Variants in ENTPD2 observed in about 807,000 individuals in gnomAD.
ENTPD2 encodes CD39 antigen-like 1.
A neutral mutation model predicts 46.8 loss-of-function variants in ENTPD2; 48 were observed. The observed-to-expected ratio is 1.03, with a 90% CI of 0.81 to 1.30. The LOEUF is 1.30. ENTPD2 is among the 50% of genes most tolerant of loss of function. ENTPD2 has a pLI of 0.00. For synonymous variants in ENTPD2, 316 were observed against 286.1 expected, an observed-to-expected ratio of 1.10 and a Z score of -1.06; for missense variants, 707 against 651.1, an observed-to-expected ratio of 1.09 and a Z score of -0.93.
At position 137,052,352 on chromosome 9, in the gene ENTPD2, C is replaced by A. The variant is rs2271867; in HGVS notation, c.118-4G>T. ...CAGCGTCCAGGACGATGCCATACTG[C>A]GGGGGAGGGGGAGGGAGTCAGCCTG... On this transcript the variant is annotated splice_polypyrimidine_tract_variant and splice_region_variant and intron_variant, in intron 1 of 8. Coordinates refer to ENST00000355097, the MANE Select transcript of ENTPD2 (RefSeq NM_203468.3). The A allele has an allele frequency of 1.3e-6, 2 of 1,565,156 alleles. No individual in the cohort carries two copies. The highest frequency in any genetic ancestry group is 1.1e-5 in the South Asian group (1 of 90,090).
chr9:137,049,528 T>C (rs1352781787), intron 7 of ENTPD2: 2 of 430,352 alleles, frequency 4.6e-6, no homozygotes, highest in Admixed American at 4.0e-5. Flanking sequence ...TCTCTTGGAG[T>C]CTCCGGTGGG....
At position 137,048,344 on chromosome 9, in the gene ENTPD2, A is replaced by C; in HGVS notation, c.*313T>G. On this transcript the variant is annotated 3_prime_UTR_variant, in exon 9 of 9. Transcript: ENST00000355097. ...GGGCTGGAGGGGTTCAAGGAGCTGG[A>C]TTGAGCGCTCTTTGCCCACCCAGGC... The C allele has an allele frequency of 3.7e-5, 11 of 295,918 alleles. No individual in the cohort carries two copies. The highest frequency in any genetic ancestry group is 9.0e-5 in the East Asian group (1 of 11,160). 18.3% of individuals were successfully genotyped at this position (295,918 alleles called of 1,614,324 possible).
At chr9:137,051,444 C>T (rs931473225) in intron 3 of ENTPD2, 66 bp downstream of exon 3, 213 of 1,542,672 alleles carry the variant, frequency 1.4e-4, no homozygotes, top group Non-Finnish European at 1.6e-4. Flanking sequence ...TGCTCGGAGT[C>T]CGCCCTGCAA....
At position 137,052,242 on chromosome 9, in the gene ENTPD2, C is replaced by T. The variant is rs753396274; in HGVS notation, c.224G>A (p.Cys75Tyr). Residue 75 changes from cysteine to tyrosine, a missense_variant, in exon 2 of 9, where the codon TGT becomes TAT. Cys to Tyr is a radical substitution (Grantham distance 194). Coordinates refer to ENST00000355097, the MANE Select transcript of ENTPD2 (RefSeq NM_203468.3). ...GGGCTGGGCCTCACCTGGAACATCA[C>T]AGGAGCTGTGCTGGCCCACAATGCC... ...DTGIVGQHSSCDVPGGGISSY... is the reference protein window; with the variant it reads ...DTGIVGQHSSYDVPGGGISSY... 4 of 1,612,564 alleles carry T rather than the reference C, an allele frequency of 2.5e-6. No individual in the cohort carries two copies. The highest frequency in any genetic ancestry group is 2.2e-5 in the East Asian group (1 of 44,842).
Position 137,050,487 on chromosome 9 carries a change from G to A in ENTPD2, c.826C>T (p.Leu276Phe), listed in dbSNP as rs1238803165. Residue 276 changes from leucine (L) to phenylalanine (F), a missense_variant, in exon 6 of 9, where the codon CTC becomes TTC. By Grantham distance (22) the Leu-to-Phe change is conservative (BLOSUM62 0). Transcript: ENST00000355097. ...CATGGTGACTGGTACACATCCCCGA[G>A]CAGCACTTGGGTGGAAAAGCCCCTC... ...WPRGFSTQVL[L>F]GDVYQSPCTM... The A allele has an allele frequency of 1.2e-6, 2 of 1,612,832 alleles. No individual in the cohort carries two copies. The highest frequency in any genetic ancestry group is 1.7e-6 in the Non-Finnish European group (2 of 1,179,980).
rs917020422 is a variant in ENTPD2, at chr9:137,050,373, C to G, written c.940G>C (p.Val314Leu). The G allele has an allele frequency of 9.9e-6, 16 of 1,613,100 alleles. No homozygotes were observed. The highest frequency in any genetic ancestry group is 1.4e-5 in the Non-Finnish European group (16 of 1,179,988). ...SSDPHLCRDL[V>L]SGLFSFSSCP... ...GAGGAGAAGCTGAAGAGCCCAGAAA[C>G]CAGATCTCGGCAGAGGTGGGGGTCA... Residue 314 changes from valine (V) to leucine (L), a missense_variant, in exon 6 of 9, where the codon GTT becomes CTT. By Grantham distance (32) the Val-to-Leu change is conservative. Coordinates refer to ENST00000355097, the MANE Select transcript of ENTPD2 (RefSeq NM_203468.3).
chr9:137,050,827 C>G, intron 5 of ENTPD2, 75 bp downstream of exon 5: 2 of 1,526,812 alleles, frequency 1.3e-6, no homozygotes, highest in Non-Finnish European at 1.8e-6. Flanking sequence ...AGAAGCCTTC[C>G]ACAGCACAGT....
rs373230324 is a variant in ENTPD2 at position 137,051,362 on chromosome 9, T to C, written c.395A>G (p.Asn132Ser). ...TAGMRLLNLT[N>S]PEASTSVLMA... ...GAGCACACTGGTCGAGGCCTCTGGA[T>C]TGGTCAGGCTGCAAAACACAGAGAA... Residue 132 changes from asparagine (N) to serine (S), a missense_variant, in exon 4 of 9, where the codon AAT becomes AGT. By Grantham distance (46) the Asn-to-Ser change is conservative (BLOSUM62 1). Transcript: ENST00000355097. 3.2e-5 allele frequency: 50 copies of C among 1,553,392 alleles called. No homozygotes were observed. Among genetic ancestry groups the C allele is most frequent in the Middle Eastern group, 3.5e-4 (2 of 5,786 alleles).
rs1564254173 is a variant in ENTPD2 at position 137,052,279 on chromosome 9, CCTT to C, written c.184_186del (p.Lys62del). 6.2e-7 allele frequency: 1 copy of C among 1,612,782 alleles called. No homozygotes were observed. The highest frequency in any genetic ancestry group is 8.5e-7 in the Non-Finnish European group (1 of 1,179,864). On this transcript the variant is annotated inframe_deletion, in exon 2 of 9. Transcript: ENST00000355097. ...TGGCCCACAATGCCTGTGTCGTTCT[CCTT>C]GTCTGCCGGCCACTTGTAGATAAAC...
chr9:137,051,476 C>A (rs775202435), intron 3 of ENTPD2, 34 bp downstream of exon 3: 3 of 1,560,422 alleles, frequency 1.9e-6, no homozygotes, highest in South Asian at 2.4e-5. Context: ...CAAAGGCCAT[C>A]ATGGGGACAG....
At position 137,051,300 on chromosome 9, in the gene ENTPD2, CA is replaced by C. The variant is rs1832291214; in HGVS notation, c.456del (p.Phe152LeufsTer20). ...GAGAGGATGCGTGCACCCCGGAAGT[CA>C]AAGGGGTACTGGGTCAGTGTGTGAG... ...AVTHTLTQYPFDFRGARILSG... is the reference protein window; with the variant it reads ...AVTHTLTQYPXDFRGARILSG... On this transcript the variant is annotated frameshift_variant, in exon 4 of 9. Transcript: ENST00000355097. LOFTEE classifies it high-confidence loss of function. The C allele has an allele frequency of 6.2e-7, 1 of 1,607,854 alleles. No individual in the cohort carries two copies. Among genetic ancestry groups the C allele is most frequent in the South Asian group, 1.1e-5 (1 of 90,322 alleles).
In ENTPD2 at chr9:137,048,776, T is replaced by G; in HGVS notation, c.1369A>C (p.Lys457Gln). 6.3e-7 allele frequency: 1 copy of G among 1,596,116 alleles called. No homozygotes were observed. Among genetic ancestry groups the G allele is most frequent in the Non-Finnish European group, 8.5e-7 (1 of 1,171,004 alleles). ...LIPADPPGLR[K>Q]GTDFSSWVVL... ...ACCCAGGAGCTGAAGTCTGTGCCCT[T>G]GCGCAGCCCCGGCGGGTCGGCGGGG... The change falls in exon 9 of 9, where the codon AAG becomes CAG. Residue 457 changes from lysine (K) to glutamine (Q), a missense_variant. Transcript: ENST00000355097.
chr9:137,052,682 A>G, intron 1 of ENTPD2: 1 of 177,120 alleles, frequency 5.6e-6, no homozygotes, highest in Middle Eastern at 2.4e-3. Context: ...TCCCTGGGGC[A>G]CAAGTTTCCC....
chr9:137,048,979 C>CGAA lies in ENTPD2; in HGVS notation c.1243_1245dup (p.Phe415dup), dbSNP rs1417967901. 6.5e-7 allele frequency: 1 copy of CGAA among 1,535,994 alleles called. No homozygotes were observed. Among genetic ancestry groups the CGAA allele is most frequent in the East Asian group, 2.5e-5 (1 of 40,576 alleles). ...ATCACGCCGCCGAAGGCGCGCTCGTCGAAGCCGTAGCCGCGACTCAGCAGC... is the reference window on the plus strand; with the variant it reads ...ATCACGCCGCCGAAGGCGCGCTCGTCGAAGAAGCCGTAGCCGCGACTCAGCAGC... On this transcript the variant is annotated inframe_insertion, in exon 8 of 9. Transcript: ENST00000355097.
rs1415003188 is a variant in ENTPD2 at position 137,050,444 on chromosome 9, G to A, written c.869C>T (p.Pro290Leu). Residue 290 changes from proline to leucine, a missense_variant, in exon 6 of 9, where the codon CCC becomes CTC. Physicochemically the swap from Pro to Leu is moderately conservative, Grantham distance 98 (BLOSUM62 -3). Transcript: ENST00000355097. ...CCTGGCACTGCTGTTGAAGTTCTGG[G>A]GCCGCTGGGCCATGGTGCATGGTGA... ...YQSPCTMAQRPQNFNSSARVS... is the reference protein window; with the variant it reads ...YQSPCTMAQRLQNFNSSARVS... 5.0e-6 allele frequency: 8 copies of A among 1,612,928 alleles called. No individual in the cohort carries two copies. The highest frequency in any genetic ancestry group is 6.8e-6 in the Non-Finnish European group (8 of 1,180,014).
At chr9:137,050,668 C>T (rs533388981) in intron 5 of ENTPD2, 130 bp from the exon 6 acceptor site, 4 of 1,407,680 alleles carry the variant, frequency 2.8e-6, no homozygotes, top group Non-Finnish European at 2.8e-6. Flanking sequence ...CTCCCCACTG[C>T]CTGCTTGACA....
At position 137,048,227 on chromosome 9, in the gene ENTPD2, G is replaced by C. The variant is rs1364320963; in HGVS notation, c.*430C>G. On this transcript the variant is annotated 3_prime_UTR_variant, in exon 9 of 9. Coordinates refer to ENST00000355097, the MANE Select transcript of ENTPD2 (RefSeq NM_203468.3). ...TACACAGAAGGAGCCTCTAAGGGCT[G>C]ATTCTCAGGACCAAGGCCCCACTCT... 1.1e-5 allele frequency: 2 copies of C among 176,108 alleles called. No individual in the cohort carries two copies. Among genetic ancestry groups the C allele is most frequent in the East Asian group, 3.5e-4 (2 of 5,694 alleles). 10.9% of individuals were successfully genotyped at this position (176,108 alleles called of 1,614,324 possible). A position where few individuals can be genotyped will look rare whatever the true frequency, so the allele number is the denominator to read the frequency against.
rs1349659433 is a variant in ENTPD2 at position 137,052,401 on chromosome 9, C to G, written c.118-53G>C. On this transcript the variant is annotated intron_variant, in intron 1 of 8. Coordinates refer to ENST00000355097, the MANE Select transcript of ENTPD2 (RefSeq NM_203468.3). Reference sequence around the variant, plus strand: ...TGGGGTGTCCGGGGGCCCTGACACCCTGACACCAAACGTGAAGTTGGGTTC... The same window carrying G: ...TGGGGTGTCCGGGGGCCCTGACACCGTGACACCAAACGTGAAGTTGGGTTC... 4 of 1,384,924 alleles carry G rather than the reference C, an allele frequency of 2.9e-6. No homozygotes were observed. The African/African-American group carries it at 5.7e-5, about 20-fold the overall frequency. The allele number at this position is 1,384,924 out of a possible 1,614,324, so 85.8% of individuals were successfully genotyped here. A position where few individuals can be genotyped will look rare whatever the true frequency, so the allele number is the denominator to read the frequency against.
At position 137,053,912 on chromosome 9, in the gene ENTPD2, G is replaced by GT; in HGVS notation, c.85dup (p.Thr29AsnfsTer48). The GT allele has an allele frequency of 4.1e-6, 5 of 1,225,732 alleles. No homozygotes were observed. The highest frequency in any genetic ancestry group is 5.1e-6 in the Non-Finnish European group (5 of 983,938). The allele number at this position is 1,225,732 out of a possible 1,614,324, so 75.9% of individuals were successfully genotyped here. On this transcript the variant is annotated frameshift_variant, in exon 1 of 9. Transcript: ENST00000355097. LOFTEE classifies it high-confidence loss of function. Reference sequence around the variant, plus strand: ...GGCGGGCGGCTCCCGGACGTCGCGGGTGGGGACGCACAGCAGTAGGAGGCC... The same window carrying GT: ...GGCGGGCGGCTCCCGGACGTCGCGGGTTGGGGACGCACAGCAGTAGGAGGCC...
Sources: gnomAD v4.1 joint callset for allele counts on GRCh38, gnomAD v4.1.1 for gene constraint, MANE v1.5 for transcripts, NCBI Gene and HGNC (gene_info 2026-07-23, HGNC 2026-07-21) for gene names.